Variants in UPK1B observed in about 807,000 individuals in gnomAD.
UPK1B encodes the protein uroplakin 1B.
Under a neutral mutation model 34.2 loss-of-function variants are expected in UPK1B, and 28 were observed. The ratio of observed to expected loss-of-function variants is 0.82; its 90% CI spans 0.61 to 1.12. UPK1B has a LOEUF of 1.12. UPK1B is among the 50% of genes most tolerant of loss of function. The pLI is 0.00. For synonymous variants in UPK1B, 81 were observed against 110.4 expected, an observed-to-expected ratio of 0.73 and a Z score of 1.67; for missense variants, 325 against 320.9, an observed-to-expected ratio of 1.01 and a Z score of -0.10.
chr3:119,184,676 A>G (rs1211895221), intron 1 of UPK1B, among the ~76,000 whole-genome samples: 2 of 152,152 alleles, frequency 1.3e-5, no homozygotes, highest in Non-Finnish European at 2.9e-5. Context: ...CAGTGAGCCA[A>G]GATCGTGCCA....
intron 7 of UPK1B, among the ~76,000 whole-genome samples, chr3:119,201,906 C>G (rs1250890223): frequency 2.6e-5 from 4 of 152,128 alleles, no homozygotes; most frequent in African/African-American, 9.7e-5. Flanking sequence ...TGAAAGGTAA[C>G]AGTGAAGTTT....
intron 7 of UPK1B, among the ~76,000 whole-genome samples, chr3:119,202,347 A>T (rs1358931499): frequency 6.6e-6 from 1 of 152,054 alleles, no homozygotes; most frequent in East Asian, 1.9e-4. Context: ...TCCCACCTCC[A>T]CCACCTACTA....
chr3:119,187,259 A>T (rs1431495400), intron 2 of UPK1B, among the ~76,000 whole-genome samples: 1 of 151,646 alleles, frequency 6.6e-6, no homozygotes, highest in Non-Finnish European at 1.5e-5. Flanking sequence ...GTGGCATAGA[A>T]GAACATTTGT....
At chr3:119,201,252 C>G (rs549369983) in intron 7 of UPK1B, among the ~76,000 whole-genome samples, 1 of 152,158 alleles carries the variant, frequency 6.6e-6, no homozygotes, top group Non-Finnish European at 1.5e-5. Context: ...TCTGAACTGT[C>G]CCTCAGGTGT....
chr3:119,190,806 T>C (rs2078040556), intron 4 of UPK1B, among the ~76,000 whole-genome samples, 176 bp from the exon 5 acceptor site: 1 of 152,228 alleles, frequency 6.6e-6, no homozygotes, highest in African/African-American at 2.4e-5. Flanking sequence ...TGAGAGTCTC[T>C]TCTCTGCATG....
chr3:119,197,298 G>A (rs2078071635), intron 6 of UPK1B, among the ~76,000 whole-genome samples: 1 of 152,054 alleles, frequency 6.6e-6, no homozygotes, highest in East Asian at 1.9e-4. Context: ...ATAAAATGAA[G>A]GAAGATCAAG....
At chr3:119,186,088 C>T (rs1418685469) in intron 1 of UPK1B, among the ~76,000 whole-genome samples, 2 of 152,112 alleles carry the variant, frequency 1.3e-5, no homozygotes, top group South Asian at 2.1e-4. Flanking sequence ...CTTTTGCTAC[C>T]GAACTGGGTT....
chr3:119,203,084 TGTAATCCCAGCACTTTGGGAGGCCG>T (rs1361893653), intron 7 of UPK1B, among the ~76,000 whole-genome samples: 15 of 152,208 alleles, frequency 9.9e-5, no homozygotes, highest in Non-Finnish European at 1.9e-4. Context: ...GGCTCACGCC[TGTAATCCCAGCACTTTGGGAGGCCG>T]AGACGGGCAA....
Position 119,203,862 on chromosome 3 carries a change from G to T in UPK1B, c.733-55G>T, listed in dbSNP as rs561840255. 6.4e-6 allele frequency: 10 copies of T among 1,557,584 alleles called. No homozygotes were observed. The South Asian group carries it at 1.1e-4, about 17-fold the overall frequency. The stretch of plus-strand genomic sequence containing the variant: ...CCTAACATCCACTTTTTCCAAGAAT[G>T]AGATGTTTCTAAAACAATCCCTTGT... On this transcript the variant is annotated intron_variant, in intron 7 of 7. Coordinates refer to ENST00000264234, the MANE Select transcript of UPK1B (RefSeq NM_006952.4).
At position 119,204,369 on chromosome 3, in the gene UPK1B, G is replaced by A. The variant is rs1191701130; in HGVS notation, c.*402G>A. The A allele has an allele frequency of 4.6e-5, 8 of 175,106 alleles. No individual in the cohort carries two copies. The highest frequency in any genetic ancestry group is 5.2e-3 in the Middle Eastern group (2 of 382). 10.8% of individuals were successfully genotyped at this position (175,106 alleles called of 1,614,324 possible). A position where few individuals can be genotyped will look rare whatever the true frequency, so the allele number is the denominator to read the frequency against. On this transcript the variant is annotated 3_prime_UTR_variant, in exon 8 of 8. Transcript: ENST00000264234. ...AAAGAAACCTTCCAATGCTTCTGTT[G>A]ATCTCAGTATTGTCAGGGGAACAGA... is the stretch of plus-strand genomic sequence containing the variant.
intron 1 of UPK1B, 98 bp from the exon 2 acceptor site, chr3:119,186,616 T>G: frequency 1.2e-6 from 1 of 826,056 alleles, no homozygotes; most frequent in Non-Finnish European, 2.0e-6. Context: ...TTATATGGCT[T>G]TGGTTTGGAT....
intron 7 of UPK1B, among the ~76,000 whole-genome samples, chr3:119,201,873 G>T (rs540554468): frequency 6.6e-6 from 1 of 152,240 alleles, no homozygotes; most frequent in East Asian, 1.9e-4. Flanking sequence ...ATGTAGTAAG[G>T]GCTCAAGCAT....
intron 6 of UPK1B, 43 bp downstream of exon 6, chr3:119,194,441 G>A (rs933418247): frequency 2.3e-5 from 36 of 1,536,738 alleles, no homozygotes; most frequent in Non-Finnish European, 3.2e-5. Context: ...AGGTTCTGCT[G>A]CTCTTTATGA....
chr3:119,202,238 A>G (rs984186842), intron 7 of UPK1B, among the ~76,000 whole-genome samples: 1 of 152,222 alleles, frequency 6.6e-6, no homozygotes, highest in African/African-American at 2.4e-5. Context: ...ATTGTGCTTA[A>G]TAAGAGCTCT....
chr3:119,196,245 C>T, intron 6 of UPK1B, among the ~76,000 whole-genome samples: 1 of 152,090 alleles, frequency 6.6e-6, no homozygotes, highest in Non-Finnish European at 1.5e-5. Context: ...CACACACCAC[C>T]ATTCTCCCTG....
chr3:119,191,952 G>A (rs2078046881), intron 5 of UPK1B, among the ~76,000 whole-genome samples: 1 of 151,982 alleles, frequency 6.6e-6, no homozygotes, highest in Admixed American at 6.6e-5. Context: ...TACCTCTTCA[G>A]TCATACTCCT....
intron 6 of UPK1B, among the ~76,000 whole-genome samples, chr3:119,196,859 T>C (rs948119305): frequency 1.3e-5 from 2 of 151,928 alleles, no homozygotes; most frequent in Non-Finnish European, 2.9e-5. Flanking sequence ...TTGTTTTGTT[T>C]GAGAGACAGG....
intron 1 of UPK1B, among the ~76,000 whole-genome samples, chr3:119,179,746 A>G (rs1219767740): frequency 7.4e-6 from 1 of 134,320 alleles, no homozygotes; most frequent in African/African-American, 2.9e-5. Flanking sequence ...TGACCTCGTG[A>G]TCCACCCGCC....
chr3:119,203,356 A>AAACAAAAAC lies in UPK1B; in HGVS notation c.733-559_733-558insCAAAAACAA, dbSNP rs1355090870. On this transcript the variant is annotated intron_variant, in intron 7 of 7. Coordinates refer to ENST00000264234, the MANE Select transcript of UPK1B (RefSeq NM_006952.4). ...ACTCCGTCTCAAAAAAAAAAAAAAA[A>AAACAAAAAC]AAAAAAAAAAAATCTGATATCTAAC... is the stretch of plus-strand genomic sequence containing the variant. Among the ~76,000 whole-genome samples the AAACAAAAAC allele has an allele frequency of 5.0e-3, 758 of 150,206 alleles. 35 individuals are homozygous for AAACAAAAAC. The South Asian group carries it at 0.083, about 16-fold the overall frequency.
Sources: gnomAD v4.1 joint callset for allele counts (sites outside exome capture counted in the v4.1 genomes callset) on GRCh38, gnomAD v4.1.1 for gene constraint, MANE v1.5 for transcripts, NCBI Gene and HGNC (gene_info 2026-07-23, HGNC 2026-07-21) for gene names.